Variants in ADCY1 observed in about 807,000 individuals in gnomAD.
ADCY1 encodes the protein adenylate cyclase type 1.
In ADCY1, 28 loss-of-function variants were observed where a neutral mutation model predicts 105.4. The ratio of observed to expected loss-of-function variants is 0.27; its 90% CI spans 0.20 to 0.36. The LOEUF is 0.36. Ranked by LOEUF, ADCY1 falls within the 10% of genes least tolerant of loss-of-function variation. The pLI, the probability that ADCY1 is intolerant of heterozygous loss-of-function variation, is 1.00. For missense variants in ADCY1, 977 were observed against 1,434.2 expected, an observed-to-expected ratio of 0.68 and a Z score of 5.15; for synonymous variants, 655 against 623.8, an observed-to-expected ratio of 1.05 and a Z score of -0.75.
chr7:45,682,075 A>T (rs893911009), intron 11 of ADCY1, among the ~76,000 whole-genome samples: 2 of 152,108 alleles, frequency 1.3e-5, no homozygotes, highest in African/African-American at 4.8e-5. Flanking sequence ...AATGGCGGTG[A>T]TGATGGCCCC....
intron 3 of ADCY1, among the ~76,000 whole-genome samples, chr7:45,610,719 AGGAGGG>A (rs1562686858): frequency 3.7e-4 from 7 of 18,940 alleles, no homozygotes; most frequent in South Asian, 1.8e-3. Flanking sequence ...GGTGGAGGTG[AGGAGGG>A]GATAGTGGAG....
chr7:45,641,256 C>T (rs115368253), intron 4 of ADCY1, among the ~76,000 whole-genome samples: 1,876 of 152,248 alleles, frequency 0.012, 34 homozygotes, highest in African/African-American at 0.043. Flanking sequence ...ACTGCACCCA[C>T]GTCATCCTCA....
chr7:45,713,613 C>T (rs971766377), intron 19 of ADCY1, 80 bp from the exon 20 acceptor site: 8 of 713,284 alleles, frequency 1.1e-5, no homozygotes, highest in Non-Finnish European at 2.1e-5. Flanking sequence ...GCAACAGATG[C>T]AGGATGGAGT....
chr7:45,609,766 A>G (rs369818652), intron 2 of ADCY1, among the ~76,000 whole-genome samples: 137 of 152,188 alleles, frequency 9.0e-4, no homozygotes, highest in African/African-American at 3.2e-3. Context: ...CAGTCCAGAC[A>G]AGGAAACTGA....
intron 1 of ADCY1, among the ~76,000 whole-genome samples, chr7:45,589,255 G>A (rs1482488664): frequency 6.6e-6 from 1 of 152,200 alleles, no homozygotes; most frequent in African/African-American, 2.4e-5. Context: ...CCAGGGCCTG[G>A]CTGGTGTGGG....
intron 3 of ADCY1, among the ~76,000 whole-genome samples, chr7:45,615,666 C>A (rs116636602): frequency 0.037 from 5,620 of 152,108 alleles, 152 homozygotes; most frequent in African/African-American, 0.075. Context: ...AATGAAAACA[C>A]AACATACCCA....
At chr7:45,619,451 A>G (rs899252539) in intron 3 of ADCY1, among the ~76,000 whole-genome samples, 1 of 152,204 alleles carries the variant, frequency 6.6e-6, no homozygotes, top group Non-Finnish European at 1.5e-5. Context: ...TGTTGTATAC[A>G]TATATTGAAG....
intron 5 of ADCY1, among the ~76,000 whole-genome samples, chr7:45,651,245 G>A (rs948229602): frequency 6.6e-6 from 1 of 152,072 alleles, no homozygotes; most frequent in African/African-American, 2.4e-5. Context: ...CAGCCAAACA[G>A]ACCCTTCTTC....
chr7:45,609,966 G>T (rs1793488995), intron 2 of ADCY1, among the ~76,000 whole-genome samples: 1 of 152,240 alleles, frequency 6.6e-6, no homozygotes, highest in Non-Finnish European at 1.5e-5. Flanking sequence ...AGAACAAGAG[G>T]ACTCTGTGGG....
At chr7:45,587,757 G>C (rs1285463271) in intron 1 of ADCY1, among the ~76,000 whole-genome samples, 1 of 152,096 alleles carries the variant, frequency 6.6e-6, no homozygotes, top group Non-Finnish European at 1.5e-5. Flanking sequence ...ATTTTCTCAT[G>C]GTTAGACTGG....
chr7:45,593,062 C>G (rs1689407287), intron 2 of ADCY1, among the ~76,000 whole-genome samples, 154 bp downstream of exon 2: 1 of 152,184 alleles, frequency 6.6e-6, no homozygotes, highest in Admixed American at 6.5e-5. Flanking sequence ...AGGAGATGCC[C>G]TGAGGTTTTA....
chr7:45,582,140 A>C (rs925582145), intron 1 of ADCY1, among the ~76,000 whole-genome samples: 2 of 152,182 alleles, frequency 1.3e-5, no homozygotes, highest in Non-Finnish European at 2.9e-5. Flanking sequence ...ACATTTGCAC[A>C]CTGATGCACA....
chr7:45,697,112 G>C (rs557909707), intron 14 of ADCY1, among the ~76,000 whole-genome samples: 1 of 152,286 alleles, frequency 6.6e-6, no homozygotes, highest in South Asian at 2.1e-4. Flanking sequence ...CTGAAACTGA[G>C]CTTGATCAAT....
intron 2 of ADCY1, among the ~76,000 whole-genome samples, chr7:45,607,988 T>C (rs1418357430): frequency 6.6e-6 from 1 of 152,260 alleles, no homozygotes; most frequent in Non-Finnish European, 1.5e-5. Flanking sequence ...ATGGCAGTGC[T>C]GTTTTAAGTT....
At position 45,713,813 on chromosome 7, in the gene ADCY1, G is replaced by A. The variant is rs1299660818; in HGVS notation, c.3178G>A (p.Gly1060Arg). The change falls in exon 20 of 20, where the codon GGA becomes AGA. Residue 1060 changes from glycine to arginine, a missense_variant. Gly to Arg is a moderately radical substitution (Grantham distance 125, BLOSUM62 -2). This residue lies in a region of ADCY1 where 78 missense variants were observed against 60.0 expected (regional missense o/e 1.30). Coordinates refer to ENST00000297323, the MANE Select transcript of ADCY1 (RefSeq NM_021116.4). ...ATACTTTCTAGAAGGCAGGACTGAT[G>A]GAAACGGCTCCCAAATCAGGTCCCT... ...LTYFLEGRTD[G>R]NGSQIRSLGL... is the part of the protein sequence containing the mutation. The A allele has an allele frequency of 1.3e-6, 1 of 780,966 alleles. No individual in the cohort carries two copies. The highest frequency in any genetic ancestry group is 1.7e-5 in the Admixed American group (1 of 59,050). 48.4% of individuals were successfully genotyped at this position (780,966 alleles called of 1,614,324 possible).
At chr7:45,625,566 C>T (rs1183283296) in intron 4 of ADCY1, among the ~76,000 whole-genome samples, 2 of 152,098 alleles carry the variant, frequency 1.3e-5, no homozygotes, top group Non-Finnish European at 2.9e-5. Flanking sequence ...CCTGCAAATG[C>T]ATATGTGTGT....
intron 6 of ADCY1, among the ~76,000 whole-genome samples, chr7:45,658,124 C>G (rs1478977950): frequency 6.6e-6 from 1 of 152,246 alleles, no homozygotes; most frequent in African/African-American, 2.4e-5. Flanking sequence ...CTACAAAAAG[C>G]TGTCATTGGA....
At chr7:45,621,485 T>G (rs1793885538) in intron 3 of ADCY1, among the ~76,000 whole-genome samples, 2 of 152,246 alleles carry the variant, frequency 1.3e-5, no homozygotes, top group Admixed American at 1.3e-4. Context: ...TTAAAAATTA[T>G]TATAAATGAT....
At chr7:45,709,241 C>G (rs1785179364) in intron 18 of ADCY1, among the ~76,000 whole-genome samples, 1 of 152,166 alleles carries the variant, frequency 6.6e-6, no homozygotes, top group African/African-American at 2.4e-5. Flanking sequence ...AGTGAGCCAG[C>G]TGGGCCCTGG....
Sources: allele counts gnomAD v4.1 joint callset (sites outside exome capture counted in the v4.1 genomes callset), GRCh38; gene constraint gnomAD v4.1.1; regional missense constraint gnomAD v4.1.1; transcripts MANE v1.5; gene names NCBI Gene and HGNC (gene_info 2026-07-23, HGNC 2026-07-21).